TRIM2: variants seen among roughly 807,000 people sequenced by gnomAD.
TRIM2 encodes tripartite motif containing 2.
TRIM2 carries 20 observed loss-of-function variants against 75.2 expected under a neutral mutation model. The observed-to-expected ratio is 0.27, with a 90% CI of 0.19 to 0.39. The LOEUF (loss-of-function observed/expected upper bound fraction) is 0.39. Among genes scored for constraint, TRIM2 ranks in the 10% least tolerant of loss-of-function variants. The pLI is 1.00. For synonymous variants in TRIM2, 373 were observed against 388.3 expected, an observed-to-expected ratio of 0.96 and a Z score of 0.46; for missense variants, 660 against 990.8, an observed-to-expected ratio of 0.67 and a Z score of 4.48.
intron 1 of TRIM2, among the ~76,000 whole-genome samples, chr4:153,211,667 T>C (rs1405001901): frequency 1.3e-5 from 2 of 151,788 alleles, no homozygotes; most frequent in Non-Finnish European, 2.9e-5. Flanking sequence ...TTTTTATTTT[T>C]TTGTAGATAT....
chr4:153,195,854 C>T (rs1407895394), intron 1 of TRIM2, among the ~76,000 whole-genome samples: 1 of 152,156 alleles, frequency 6.6e-6, no homozygotes, highest in South Asian at 2.1e-4. Context: ...CTTTGTCGCC[C>T]AGGCTGGAGT....
intron 1 of TRIM2, among the ~76,000 whole-genome samples, chr4:153,256,490 C>A (rs755779126): frequency 6.6e-6 from 1 of 152,112 alleles, no homozygotes; most frequent in Non-Finnish European, 1.5e-5. Context: ...CTGTTCCCTG[C>A]GTTTATTGTT....
intron 1 of TRIM2, among the ~76,000 whole-genome samples, chr4:153,256,850 C>A (rs1472482648): frequency 2.0e-5 from 3 of 152,150 alleles, no homozygotes; most frequent in African/African-American, 7.2e-5. Context: ...ACTTTATAGA[C>A]CCTGCCCTGG....
At chr4:153,214,820 T>C (rs887301449) in intron 1 of TRIM2, among the ~76,000 whole-genome samples, 8 of 152,214 alleles carry the variant, frequency 5.3e-5, no homozygotes, top group East Asian at 1.9e-4. Context: ...ACAAGCATAC[T>C]AGGTGTTTTT....
In TRIM2 at chr4:153,192,618, A is replaced by G. The variant is rs181545540; in HGVS notation, c.-49+39348A>G. Among the ~76,000 whole-genome samples the G allele has an allele frequency of 7.6e-3, 1,145 of 151,536 alleles. 7 individuals are homozygous for G. Among genetic ancestry groups the G allele is most frequent in the Non-Finnish European group, 0.011 (729 of 67,844 alleles). On this transcript the variant is annotated intron_variant, in intron 1 of 11. Coordinates refer to the TRIM2 transcript ENST00000437508. The stretch of plus-strand genomic sequence containing the variant: ...ACCCTATCTCAAAAAAAAAAAAAAA[A>G]AAAGAAAGTTAAAAGAGTCTAACAG...
At chr4:153,318,521 TCTAA>T (rs1420926585) in intron 8 of TRIM2, among the ~76,000 whole-genome samples, 3 of 152,236 alleles carry the variant, frequency 2.0e-5, no homozygotes, top group African/African-American at 4.8e-5. Flanking sequence ...TTTCTGTAGC[TCTAA>T]CTTCTTCCCC....
At chr4:153,329,497 G>A (rs1298196690) in intron 11 of TRIM2, among the ~76,000 whole-genome samples, 1 of 151,568 alleles carries the variant, frequency 6.6e-6, no homozygotes, top group Non-Finnish European at 1.5e-5. Context: ...ATCTCAAGAA[G>A]CTAGAAAGAA....
At chr4:153,263,473 G>A (rs555189658) in intron 1 of TRIM2, among the ~76,000 whole-genome samples, 46 of 152,258 alleles carry the variant, frequency 3.0e-4, no homozygotes, top group African/African-American at 9.9e-4. Flanking sequence ...GAATAAGTCC[G>A]TTTCCATGTT....
At chr4:153,181,466 G>A (rs1425751615) in intron 1 of TRIM2, among the ~76,000 whole-genome samples, 1 of 152,172 alleles carries the variant, frequency 6.6e-6, no homozygotes, top group African/African-American at 2.4e-5. Flanking sequence ...GCAGAATGAA[G>A]GCTCACTTGC....
chr4:153,192,710 A>G (rs28408369), intron 1 of TRIM2, among the ~76,000 whole-genome samples: 43,449 of 151,802 alleles, frequency 0.29, 7,897 homozygotes, highest in African/African-American at 0.52. Flanking sequence ...CAGCAGATCC[A>G]AAACAGCCAC....
chr4:153,179,788 T>C (rs1370039795), intron 1 of TRIM2, among the ~76,000 whole-genome samples: 1 of 152,192 alleles, frequency 6.6e-6, no homozygotes, highest in Non-Finnish European at 1.5e-5. Context: ...GTGGCAAGGC[T>C]AGACTGCAGT....
At chr4:153,260,354 G>A (rs1186553496) in intron 1 of TRIM2, among the ~76,000 whole-genome samples, 1 of 152,070 alleles carries the variant, frequency 6.6e-6, no homozygotes, top group Non-Finnish European at 1.5e-5. Flanking sequence ...ATGTCTATTA[G>A]CCTGACCACT....
At chr4:153,154,328 G>A (rs963697272) in intron 1 of TRIM2, among the ~76,000 whole-genome samples, 4 of 152,212 alleles carry the variant, frequency 2.6e-5, no homozygotes, top group Non-Finnish European at 5.9e-5. Flanking sequence ...ACGGTCAGGG[G>A]CTGATAGCCA....
chr4:153,269,722 T>G (rs1756157973), intron 1 of TRIM2, among the ~76,000 whole-genome samples: 1 of 152,166 alleles, frequency 6.6e-6, no homozygotes, highest in Non-Finnish European at 1.5e-5. Context: ...TAGTTACCAC[T>G]GCTTTGAAGC....
chr4:153,317,070 C>CG (rs1466666524), intron 8 of TRIM2, among the ~76,000 whole-genome samples: 1 of 150,840 alleles, frequency 6.6e-6, no homozygotes, highest in East Asian at 2.0e-4. Flanking sequence ...TTAGTAGAGA[C>CG]GGGGTTTCAC....
intron 11 of TRIM2, 61 bp from the exon 12 acceptor site, chr4:153,334,753 C>T: frequency 7.0e-7 from 1 of 1,424,614 alleles, no homozygotes; most frequent in Non-Finnish European, 9.6e-7. Context: ...GTTTTCTAAC[C>T]CATGTTCAGC....
At chr4:153,220,554 A>T (rs1739673452) in intron 1 of TRIM2, among the ~76,000 whole-genome samples, 1 of 152,222 alleles carries the variant, frequency 6.6e-6, no homozygotes, top group South Asian at 2.1e-4. Flanking sequence ...AGAATGTGAG[A>T]ACTCAACAAT....
At chr4:153,217,786 T>A (rs1738886692) in intron 1 of TRIM2, among the ~76,000 whole-genome samples, 1 of 152,208 alleles carries the variant, frequency 6.6e-6, no homozygotes, top group Non-Finnish European at 1.5e-5. Flanking sequence ...CATGGCAGGA[T>A]GTTCACACAG....
At chr4:153,152,940 C>T (rs779271112), upstream of TRIM2, among the ~76,000 whole-genome samples, 9 of 152,208 alleles carry the variant, frequency 5.9e-5, no homozygotes, top group Non-Finnish European at 1.3e-4. Flanking sequence ...TGCACCTTTT[C>T]ATGGTCTTTC....
Sources: allele counts gnomAD v4.1 joint callset (sites outside exome capture counted in the v4.1 genomes callset), GRCh38; gene constraint gnomAD v4.1.1; transcripts MANE v1.5; gene names NCBI Gene and HGNC (gene_info 2026-07-23, HGNC 2026-07-21).